Variants in SGCZ observed in about 807,000 individuals in gnomAD.
SGCZ encodes sarcoglycan zeta, also known as zeta-sarcoglycan.
In SGCZ, 40 loss-of-function variants were observed where a neutral mutation model predicts 41.3. The observed-to-expected ratio is 0.97, with a 90% CI of 0.75 to 1.26. The LOEUF (loss-of-function observed/expected upper bound fraction) is 1.26, where lower values mean the gene tolerates loss of function less well. SGCZ is among the 50% of genes most tolerant of loss of function. The probability of loss-of-function intolerance (pLI) is 0.00; values close to 1 mark genes in which losing one functional copy is unlikely to be tolerated. For missense variants in SGCZ, 552 were observed against 369.8 expected (o/e 1.49, Z -4.04); for synonymous variants, 206 against 137.5 (o/e 1.50, Z -3.49).
intron 2 of SGCZ, among the ~76,000 whole-genome samples, chr8:14,473,041 G>A (rs937010403): frequency 6.6e-6 from 1 of 152,014 alleles, no homozygotes; most frequent in Non-Finnish European, 1.5e-5. Context: ...CATTTCATGG[G>A]TCTTGCTAAT....
At chr8:14,733,150 C>A (rs1441006720) in intron 1 of SGCZ, among the ~76,000 whole-genome samples, 1 of 152,128 alleles carries the variant, frequency 6.6e-6, no homozygotes, top group African/African-American at 2.4e-5. Flanking sequence ...TTTCAAAGGG[C>A]TCTGACACTT....
intron 1 of SGCZ, among the ~76,000 whole-genome samples, chr8:14,722,613 A>G (rs2130190204): frequency 6.6e-6 from 1 of 151,538 alleles, no homozygotes; most frequent in South Asian, 2.1e-4. Context: ...AGAAGGGAAA[A>G]GCAATATGAA....
intron 1 of SGCZ, among the ~76,000 whole-genome samples, chr8:15,061,445 T>C (rs1300701327): frequency 1.3e-5 from 2 of 151,368 alleles, no homozygotes; most frequent in East Asian, 3.9e-4. Context: ...GAGGGATTGA[T>C]GGGTCCAGCA....
Position 14,966,123 on chromosome 8 carries a change from A to G in SGCZ, c.39+271462T>C, listed in dbSNP as rs1801119022. 2.0e-5 allele frequency among the ~76,000 whole-genome samples: 3 copies of G among 152,038 alleles called. No individual in the cohort carries two copies. In the South Asian group the frequency reaches 6.2e-4, roughly 31 times the overall value. ...TGAAAAGCTATAAGAAAGGCTTTAG[A>G]ATACAAAATAAATAAATTAGGAAAT... On this transcript the variant is annotated intron_variant, in intron 1 of 7. Coordinates refer to ENST00000382080, the MANE Select transcript of SGCZ (RefSeq NM_139167.4).
chr8:14,792,321 C>A (rs930738519), intron 1 of SGCZ, among the ~76,000 whole-genome samples: 1 of 152,122 alleles, frequency 6.6e-6, no homozygotes, highest in Non-Finnish European at 1.5e-5. Context: ...GTTACAACAT[C>A]TCTTTTGTGT....
At chr8:14,132,803 A>G (rs1216161420) in intron 5 of SGCZ, among the ~76,000 whole-genome samples, 1 of 152,188 alleles carries the variant, frequency 6.6e-6, no homozygotes, top group Non-Finnish European at 1.5e-5. Context: ...CTCTAAAATC[A>G]GATTCTGCCA....
intron 2 of SGCZ, among the ~76,000 whole-genome samples, chr8:14,485,970 T>A: frequency 6.6e-6 from 1 of 151,294 alleles, no homozygotes; most frequent in Non-Finnish European, 1.5e-5. Context: ...GCCTCCCGAG[T>A]AGCTGGGACT....
intron 1 of SGCZ, among the ~76,000 whole-genome samples, chr8:14,563,397 T>C (rs1317543937): frequency 2.0e-5 from 3 of 152,204 alleles, no homozygotes; most frequent in Non-Finnish European, 2.9e-5. Context: ...CTCCTGTTAA[T>C]AGGTGTGAGT....
At chr8:14,904,491 T>C (rs1799067145) in intron 1 of SGCZ, among the ~76,000 whole-genome samples, 1 of 152,046 alleles carries the variant, frequency 6.6e-6, no homozygotes, top group Non-Finnish European at 1.5e-5. Context: ...TATACGAACT[T>C]ATTTCTGTAA....
At chr8:14,653,103 A>C (rs768990101) in intron 1 of SGCZ, among the ~76,000 whole-genome samples, 16 of 152,114 alleles carry the variant, frequency 1.1e-4, no homozygotes, top group Non-Finnish European at 2.4e-4. Context: ...TGGAATTTTA[A>C]AATATTACTC....
At chr8:14,730,446 AT>A (rs113783944) in intron 1 of SGCZ, among the ~76,000 whole-genome samples, 10,279 of 151,230 alleles carry the variant, frequency 0.068, 769 homozygotes, top group African/African-American at 0.19. Flanking sequence ...TGTATGTTCT[AT>A]TTTTTTTTCT....
chr8:14,109,249 G>T (rs73520367), intron 5 of SGCZ, among the ~76,000 whole-genome samples: 4,589 of 152,152 alleles, frequency 0.03, 255 homozygotes, highest in African/African-American at 0.11. Flanking sequence ...GGAGGTTGAA[G>T]GATACTCTAT....
intron 4 of SGCZ, among the ~76,000 whole-genome samples, chr8:14,228,056 G>T (rs1483302257): frequency 6.6e-6 from 1 of 151,886 alleles, no homozygotes; most frequent in Non-Finnish European, 1.5e-5. Flanking sequence ...TGTACATATG[G>T]ACTCCTAAAT....
At position 14,246,048 on chromosome 8, in the gene SGCZ, A is replaced by T. The variant is rs548995030; in HGVS notation, c.337-8369T>A. On this transcript the variant is annotated intron_variant, in intron 3 of 7. Transcript: ENST00000382080. ...GTGGAAGTCAGTGTGGCGATTCCTC[A>T]GGGATCTAGAACTAGAAATACCATT... Among the ~76,000 whole-genome samples, 3 of 152,318 alleles carry T rather than the reference A, an allele frequency of 2.0e-5. No homozygotes were observed. The South Asian group carries it at 6.2e-4, about 32-fold the overall frequency.
intron 1 of SGCZ, among the ~76,000 whole-genome samples, chr8:15,222,963 T>A (rs934722238): frequency 3.9e-5 from 6 of 152,168 alleles, no homozygotes; most frequent in Non-Finnish European, 8.8e-5. Flanking sequence ...GAAAGCATAG[T>A]TTGAGAACCA....
chr8:14,996,309 GT>G (rs1802216467), intron 1 of SGCZ, among the ~76,000 whole-genome samples: 1 of 152,216 alleles, frequency 6.6e-6, no homozygotes, highest in Non-Finnish European at 1.5e-5. Context: ...TGAAAAGCAT[GT>G]CTCTTTAACC....
At chr8:14,343,103 T>C (rs1052783593) in intron 2 of SGCZ, among the ~76,000 whole-genome samples, 5 of 152,118 alleles carry the variant, frequency 3.3e-5, no homozygotes, top group African/African-American at 1.2e-4. Context: ...TGCACAGAAG[T>C]CAAGAAATGA....
intron 1 of SGCZ, among the ~76,000 whole-genome samples, chr8:14,632,363 A>C (rs1806686849): frequency 6.6e-6 from 1 of 152,028 alleles, no homozygotes; most frequent in Non-Finnish European, 1.5e-5. Flanking sequence ...TACCATTATT[A>C]AAATATGTGG....
intron 1 of SGCZ, among the ~76,000 whole-genome samples, chr8:14,690,142 C>A (rs2117567640): frequency 6.8e-6 from 1 of 146,536 alleles, no homozygotes; most frequent in African/African-American, 2.5e-5. Context: ...AGTCCATGGA[C>A]TTCTAAAGAG....
Sources: allele counts gnomAD v4.1 joint callset (sites outside exome capture counted in the v4.1 genomes callset), GRCh38; gene constraint gnomAD v4.1.1; transcripts MANE v1.5; gene names NCBI Gene and HGNC (gene_info 2026-07-23, HGNC 2026-07-21).